THSD7B: variants seen among roughly 807,000 people sequenced by gnomAD.
THSD7B encodes the protein thrombospondin type 1 domain containing 7B.
Under a neutral mutation model 213.6 loss-of-function variants are expected in THSD7B, and 138 were observed. That is an observed-to-expected ratio of 0.65 (90% CI 0.56 to 0.74). THSD7B has a LOEUF of 0.74. THSD7B is among the 30% of genes least tolerant of loss of function. THSD7B has a pLI of 0.00. For synonymous variants in THSD7B, 742 were observed against 687.0 expected, an observed-to-expected ratio of 1.08 and a Z score of -1.25; for missense variants, 1,931 against 1,991.5, an observed-to-expected ratio of 0.97 and a Z score of 0.58.
chr2:137,295,869 C>T (rs1266758013), intron 12 of THSD7B, among the ~76,000 whole-genome samples: 1 of 152,070 alleles, frequency 6.6e-6, no homozygotes, highest in Non-Finnish European at 1.5e-5. Context: ...TATCTGGGAC[C>T]TCAAAACATT....
chr2:136,820,165 T>C (rs938141335), intron 1 of THSD7B, among the ~76,000 whole-genome samples: 1 of 152,264 alleles, frequency 6.6e-6, no homozygotes, highest in African/African-American at 2.4e-5. Flanking sequence ...AAGACATTTT[T>C]GTTTCTTATT....
intron 2 of THSD7B, among the ~76,000 whole-genome samples, chr2:136,893,388 C>T (rs1411024756): frequency 6.6e-6 from 1 of 152,136 alleles, no homozygotes; most frequent in Non-Finnish European, 1.5e-5. Flanking sequence ...TTTTTGGCAC[C>T]TGGAAATGTC....
intron 2 of THSD7B, among the ~76,000 whole-genome samples, chr2:136,995,742 A>T (rs1300443593): frequency 6.6e-6 from 1 of 152,142 alleles, no homozygotes; most frequent in Non-Finnish European, 1.5e-5. Context: ...CCTAACAAGG[A>T]GGTGGTTGTT....
chr2:137,465,614 G>C (rs969169858), intron 15 of THSD7B, among the ~76,000 whole-genome samples: 1 of 152,122 alleles, frequency 6.6e-6, no homozygotes, highest in Non-Finnish European at 1.5e-5. Flanking sequence ...CAGGGGTCCT[G>C]ACACTTGGTC....
intron 12 of THSD7B, among the ~76,000 whole-genome samples, chr2:137,299,058 G>C (rs1011155962): frequency 6.6e-6 from 1 of 152,112 alleles, no homozygotes; most frequent in Middle Eastern, 3.2e-3. Flanking sequence ...CATGAAGGCA[G>C]CCAGAAGGGA....
chr2:136,994,711 C>A (rs977181305), intron 2 of THSD7B, among the ~76,000 whole-genome samples: 1 of 152,160 alleles, frequency 6.6e-6, no homozygotes, highest in South Asian at 2.1e-4. Context: ...CACTCCTTTA[C>A]ACGTATATGT....
rs1199446866 is a variant in THSD7B, at chr2:137,271,389, T to A, written c.2267-1144T>A. 1.3e-4 allele frequency among the ~76,000 whole-genome samples: 18 copies of A among 133,668 alleles called. 1 individual carries two copies. In the South Asian group the frequency reaches 2.9e-3, roughly 22 times the overall value. 87.7% of individuals were successfully genotyped at this position (133,668 alleles called of 152,430 possible). A position where few individuals can be genotyped will look rare whatever the true frequency, so the allele number is the denominator to read the frequency against. ...TGGCTTCATTCATATATATATATAT[T>A]ATGAATTATATATATATGAATTATA... On this transcript the variant is annotated intron_variant, in intron 10 of 27. Coordinates refer to ENST00000409968, the MANE Select transcript of THSD7B (RefSeq NM_001316349.2).
At chr2:136,888,862 A>G (rs76368708) in intron 2 of THSD7B, among the ~76,000 whole-genome samples, 3,173 of 152,270 alleles carry the variant, frequency 0.021, 59 homozygotes, top group East Asian at 0.093. Flanking sequence ...AGTGTCAAGA[A>G]TATACATAAC....
chr2:136,768,945 G>C (rs1357866125), intron 1 of THSD7B, among the ~76,000 whole-genome samples: 1 of 152,192 alleles, frequency 6.6e-6, no homozygotes, highest in East Asian at 1.9e-4. Flanking sequence ...ACCTGTGAAA[G>C]TAGAGGGATT....
chr2:136,932,119 G>A (rs1391490460), intron 2 of THSD7B, among the ~76,000 whole-genome samples: 1 of 151,756 alleles, frequency 6.6e-6, no homozygotes, highest in Non-Finnish European at 1.5e-5. Flanking sequence ...CCAAAGTCTT[G>A]TTTCTCAAAG....
At chr2:136,846,782 A>G (rs992948731) in intron 1 of THSD7B, among the ~76,000 whole-genome samples, 48 of 152,318 alleles carry the variant, frequency 3.2e-4, no homozygotes, top group African/African-American at 1.2e-3. Context: ...TTTACGATAC[A>G]CAGATTTCCA....
chr2:137,585,585 T>G (rs1047530815), intron 17 of THSD7B, among the ~76,000 whole-genome samples: 1 of 152,208 alleles, frequency 6.6e-6, no homozygotes, highest in Admixed American at 6.5e-5. Flanking sequence ...TCTGCCTTCA[T>G]TTTGTTATAT....
chr2:137,491,064 C>A lies in THSD7B; in HGVS notation c.3138+40041C>A, dbSNP rs539944967. Reference sequence around the variant, plus strand: ...AAGGTTTATAGAGTTATTTATGTGACCCCGTATTTTTAGATTAGAGACACA... The same window carrying A: ...AAGGTTTATAGAGTTATTTATGTGAACCCGTATTTTTAGATTAGAGACACA... On this transcript the variant is annotated intron_variant, in intron 15 of 27. Transcript: ENST00000409968. 2.0e-3 allele frequency among the ~76,000 whole-genome samples: 302 copies of A among 152,234 alleles called. 4 individuals carry two copies. Among genetic ancestry groups the A allele is most frequent in the Non-Finnish European group, 4.1e-3 (281 of 68,016 alleles).
chr2:137,475,358 G>A (rs895951373), intron 15 of THSD7B, among the ~76,000 whole-genome samples: 2 of 151,946 alleles, frequency 1.3e-5, no homozygotes, highest in South Asian at 2.1e-4. Flanking sequence ...CTCTCTTCTA[G>A]CTTTTTTTGA....
chr2:137,120,076 C>T (rs936277734), intron 5 of THSD7B, among the ~76,000 whole-genome samples: 6 of 152,026 alleles, frequency 3.9e-5, no homozygotes, highest in African/African-American at 1.4e-4. Flanking sequence ...TTTAAGTGGG[C>T]TTATAGCATT....
intron 2 of THSD7B, among the ~76,000 whole-genome samples, chr2:136,977,352 C>A (rs549261413): frequency 1.2e-4 from 19 of 152,220 alleles, no homozygotes; most frequent in Non-Finnish European, 2.2e-4. Flanking sequence ...GTCTAGCTAG[C>A]AGTCTATTCT....
At chr2:137,257,081 G>A (rs764064151) in intron 10 of THSD7B, among the ~76,000 whole-genome samples, 7 of 152,036 alleles carry the variant, frequency 4.6e-5, no homozygotes, top group African/African-American at 1.7e-4. Context: ...TCCCACTCCC[G>A]TGATCCGTAA....
intron 2 of THSD7B, among the ~76,000 whole-genome samples, chr2:136,929,858 CT>C (rs1558856492): frequency 6.6e-6 from 1 of 152,114 alleles, no homozygotes; most frequent in Non-Finnish European, 1.5e-5. Flanking sequence ...TGAAGATGAC[CT>C]TTATGCAGTA....
intron 11 of THSD7B, among the ~76,000 whole-genome samples, chr2:137,274,285 G>A (rs1682820310): frequency 1.3e-5 from 2 of 152,066 alleles, no homozygotes; most frequent in Non-Finnish European, 2.9e-5. Flanking sequence ...GCGAGTTAAC[G>A]TAGGATTTTA....
Sources: gnomAD v4.1 joint callset for allele counts (sites outside exome capture counted in the v4.1 genomes callset) on GRCh38, gnomAD v4.1.1 for gene constraint, MANE v1.5 for transcripts, NCBI Gene and HGNC (gene_info 2026-07-23, HGNC 2026-07-21) for gene names.